Variants in LNX2 observed in about 807,000 individuals in gnomAD.
LNX2 encodes the protein ligand of Numb protein X 2.
A neutral mutation model predicts 66.2 loss-of-function variants in LNX2; 35 were observed. The observed-to-expected ratio is 0.53, with a 90% CI of 0.40 to 0.70. LNX2 has a LOEUF of 0.70. LNX2 is among the 30% of genes least tolerant of loss of function. The probability of loss-of-function intolerance (pLI) is 0.00; values close to 1 mark genes in which losing one functional copy is unlikely to be tolerated. For missense variants in LNX2, 791 were observed against 850.8 expected (o/e 0.93, Z 0.87); for synonymous variants, 337 against 315.6 (o/e 1.07, Z -0.72).
Position 27,569,169 on chromosome 13 carries a change from C to A in LNX2, c.515G>T (p.Gly172Val). 1.2e-6 allele frequency: 2 copies of A among 1,612,370 alleles called. No homozygotes were observed. The highest frequency in any genetic ancestry group is 1.3e-5 in the African/African-American group (1 of 74,856). The change falls in exon 3 of 10, where the codon GGT becomes GTT. Residue 172 changes from glycine to valine, a missense_variant. Coordinates refer to ENST00000316334, the MANE Select transcript of LNX2 (RefSeq NM_153371.4). ...ENGPTLLDPA[G>V]TLSPEADCLG... ...ACAGTCTGCTTCTGGAGATAAGGTA[C>A]CTGCAGGATCTAGTAGAGTGGGCCC...
intron 4 of LNX2, among the ~76,000 whole-genome samples, chr13:27,565,871 C>T (rs1165959404): frequency 6.6e-6 from 1 of 152,170 alleles, no homozygotes; most frequent in Non-Finnish European, 1.5e-5. Context: ...AGGGTCAATC[C>T]TGGCTGCCTT....
In LNX2 at chr13:27,548,484, GAC is replaced by G. The variant is rs766335421; in HGVS notation, c.1938-16_1938-15del. 6.2e-7 allele frequency: 1 copy of G among 1,603,066 alleles called. No individual in the cohort carries two copies. Among genetic ancestry groups the G allele is most frequent in the Middle Eastern group, 1.7e-4 (1 of 5,992 alleles). On this transcript the variant is annotated splice_polypyrimidine_tract_variant and intron_variant, in intron 9 of 9. Coordinates refer to ENST00000316334, the MANE Select transcript of LNX2 (RefSeq NM_153371.4). ...ATGTCACCACACCTGGACAAAGAGA[GAC>G]AGATACAGAATGTTACTATTTTCAT...
chr13:27,617,178 C>T (rs1006322833), intron 1 of LNX2, among the ~76,000 whole-genome samples: 1 of 152,158 alleles, frequency 6.6e-6, no homozygotes, highest in African/African-American at 2.4e-5. Flanking sequence ...GGAAAAGAAA[C>T]AGGTGCCAGG....
Position 27,562,580 on chromosome 13 carries a change from T to C in LNX2, c.1057A>G (p.Ile353Val). 1.9e-6 allele frequency: 3 copies of C among 1,614,154 alleles called. No homozygotes were observed. The highest frequency in any genetic ancestry group is 2.5e-6 in the Non-Finnish European group (3 of 1,180,020). ...HKRDSGEQLG[I>V]KLVRRTDEPG... ...TCATCTGTCCTTCGCACCAATTTAA[T>C]GCCAAGCTGTTCACCAGAGTCCCGT... Residue 353 changes from isoleucine (I) to valine (V), a missense_variant, in exon 5 of 10, where the codon ATT becomes GTT. Coordinates refer to ENST00000316334, the MANE Select transcript of LNX2 (RefSeq NM_153371.4).
At chr13:27,558,263 A>T (rs1955087364) in intron 6 of LNX2, among the ~76,000 whole-genome samples, 1 of 151,266 alleles carries the variant, frequency 6.6e-6, no homozygotes, top group Non-Finnish European at 1.5e-5. Context: ...GCATCTTAGT[A>T]GTAAATAGCT....
At position 27,562,624 on chromosome 13, in the gene LNX2, A is replaced by G; in HGVS notation, c.1013T>C (p.Phe338Ser). Residue 338 changes from phenylalanine to serine, a missense_variant, in exon 5 of 10, where the codon TTC becomes TCC. By Grantham distance (155) the Phe-to-Ser change is radical. Transcript: ENST00000316334. The stretch of plus-strand genomic sequence containing the variant: ...GTCCCGTTTATGAAGAGCCACTTGG[A>G]AAATCTCTTCTCGTGGAGAGTTACT... Reference protein sequence around the residue: ...SDSNSPREEIFQVALHKRDSG... With the variant: ...SDSNSPREEISQVALHKRDSG... The G allele has an allele frequency of 2.5e-6, 4 of 1,614,156 alleles. No homozygotes were observed. The highest frequency in any genetic ancestry group is 3.4e-6 in the Non-Finnish European group (4 of 1,180,024).
At position 27,546,485 on chromosome 13, in the gene LNX2, T is replaced by C. The variant is rs1174962229; in HGVS notation, c.*1850A>G. 1 of 152,224 alleles carries C rather than the reference T, an allele frequency of 6.6e-6. No homozygotes were observed. The highest frequency in any genetic ancestry group is 1.5e-5 in the Non-Finnish European group (1 of 68,034). 9.4% of individuals were successfully genotyped at this position (152,224 alleles called of 1,614,324 possible). ...TGGGCCATTCCACTGTATCTTGTTA[T>C]ATGTTGATCATACAGTGTAACTAAG... is the stretch of plus-strand genomic sequence containing the variant. On this transcript the variant is annotated 3_prime_UTR_variant, in exon 10 of 10. Transcript: ENST00000316334.
chr13:27,556,869 G>A (rs1008977843), intron 6 of LNX2, among the ~76,000 whole-genome samples: 12 of 152,054 alleles, frequency 7.9e-5, no homozygotes, highest in South Asian at 2.1e-4. Context: ...AAAGGTCATC[G>A]ACCTATCTCC....
At chr13:27,603,491 A>T (rs1955680444) in intron 1 of LNX2, among the ~76,000 whole-genome samples, 1 of 152,188 alleles carries the variant, frequency 6.6e-6, no homozygotes, top group Admixed American at 6.5e-5. Flanking sequence ...ATATTATGAT[A>T]TTTTTCAATA....
intron 5 of LNX2, among the ~76,000 whole-genome samples, chr13:27,560,585 A>ATATAT (rs1555267008): frequency 6.8e-6 from 1 of 147,598 alleles, no homozygotes; most frequent in African/African-American, 2.5e-5. Flanking sequence ...ATATATATAT[A>ATATAT]GCATACTTGT....
chr13:27,559,889 G>GGCT lies in LNX2; in HGVS notation c.1318_1320dup (p.Ser440dup), dbSNP rs370017780. Reference sequence around the variant, plus strand: ...TAATACGGTGGTGGTGTGTGGTGCTGGCTGCTGCTGCTATGATTTCCTGCT... The same window carrying GGCT: ...TAATACGGTGGTGGTGTGTGGTGCTGGCTGCTGCTGCTGCTATGATTTCCTGCT... On this transcript the variant is annotated inframe_insertion, in exon 6 of 10. Coordinates refer to ENST00000316334, the MANE Select transcript of LNX2 (RefSeq NM_153371.4). 1.9e-4 allele frequency: 302 copies of GGCT among 1,611,206 alleles called. No homozygotes were observed. In the African/African-American group the frequency reaches 3.8e-3, roughly 20 times the overall value.
intron 7 of LNX2, among the ~76,000 whole-genome samples, chr13:27,554,038 A>G (rs1453068048): frequency 6.6e-6 from 1 of 152,206 alleles, no homozygotes; most frequent in African/African-American, 2.4e-5. Context: ...AAAAATGGCA[A>G]TGAGGATTAT....
At chr13:27,595,107 T>C (rs1955582466) in intron 1 of LNX2, among the ~76,000 whole-genome samples, 1 of 152,330 alleles carries the variant, frequency 6.6e-6, no homozygotes, top group East Asian at 1.9e-4. Context: ...ATTTGTGCTT[T>C]GGCCACACCA....
chr13:27,574,789 A>G (rs1955325240), intron 2 of LNX2, among the ~76,000 whole-genome samples: 1 of 152,160 alleles, frequency 6.6e-6, no homozygotes, highest in Non-Finnish European at 1.5e-5. Flanking sequence ...AAAGCCAAAG[A>G]TAAGGAATCT....
chr13:27,621,068 A>C (rs1223912430), upstream of LNX2: 1 of 153,322 alleles, frequency 6.5e-6, no homozygotes, highest in African/African-American at 2.4e-5. Context: ...GCCGGGACGC[A>C]GGGAGCTGGA....
At chr13:27,613,529 T>C (rs2138485638) in intron 1 of LNX2, among the ~76,000 whole-genome samples, 1 of 152,286 alleles carries the variant, frequency 6.6e-6, no homozygotes, top group East Asian at 1.9e-4. Context: ...CCCAGCACTC[T>C]GGGAGGCCAA....
intron 2 of LNX2, among the ~76,000 whole-genome samples, chr13:27,571,023 A>G (rs892806729): frequency 1.3e-5 from 2 of 152,256 alleles, no homozygotes; most frequent in South Asian, 2.1e-4. Context: ...CCAGTGAGAC[A>G]GCAAACTGCT....
intron 1 of LNX2, among the ~76,000 whole-genome samples, chr13:27,587,910 T>A (rs921334025): frequency 7.3e-5 from 11 of 151,402 alleles, no homozygotes; most frequent in East Asian, 2.0e-4. Flanking sequence ...AGTCCCAGCT[T>A]CTCAGGAGGC....
chr13:27,591,266 G>C (rs140164757), intron 1 of LNX2, among the ~76,000 whole-genome samples: 1 of 152,292 alleles, frequency 6.6e-6, no homozygotes, highest in East Asian at 1.9e-4. Context: ...ATTCATTACA[G>C]ATTCATATAT....
Sources: gnomAD v4.1 joint callset for allele counts (sites outside exome capture counted in the v4.1 genomes callset) on GRCh38, gnomAD v4.1.1 for gene constraint, MANE v1.5 for transcripts, NCBI Gene and HGNC (gene_info 2026-07-23, HGNC 2026-07-21) for gene names.